The following ONECUT2 variants were observed in gnomAD, a reference collection of about 807,000 sequenced individuals.
The protein encoded by ONECUT2 is one cut homeobox 2.
In ONECUT2, 10 loss-of-function variants were observed where a neutral mutation model predicts 27.9. That is an observed-to-expected ratio of 0.36 (90% CI 0.22 to 0.61). ONECUT2 has a LOEUF of 0.61. ONECUT2 is among the 20% of genes least tolerant of loss of function. The probability of loss-of-function intolerance (pLI) is 0.73; values close to 1 mark genes in which losing one functional copy is unlikely to be tolerated. For missense variants in ONECUT2, 686 were observed against 721.0 expected (o/e 0.95, Z 0.56); for synonymous variants, 334 against 315.1 (o/e 1.06, Z -0.64).
intron 1 of ONECUT2, among the ~76,000 whole-genome samples, chr18:57,452,999 A>C (rs2050239435): frequency 6.6e-6 from 1 of 152,336 alleles, no homozygotes; most frequent in Admixed American, 6.5e-5. Context: ...GTTTTTTTAA[A>C]CTTAGGTTCT....
intron 1 of ONECUT2, among the ~76,000 whole-genome samples, chr18:57,445,808 T>G (rs2050198124): frequency 6.6e-6 from 1 of 152,236 alleles, no homozygotes; most frequent in Admixed American, 6.5e-5. Flanking sequence ...TTGGATCACT[T>G]GTTTAAAAAA....
At chr18:57,454,622 C>T (rs1405640847) in intron 1 of ONECUT2, among the ~76,000 whole-genome samples, 9 of 152,174 alleles carry the variant, frequency 5.9e-5, no homozygotes, top group Admixed American at 3.9e-4. Flanking sequence ...TTACAGCTAA[C>T]ATCCTATTAC....
At chr18:57,453,134 G>A (rs983458259) in intron 1 of ONECUT2, among the ~76,000 whole-genome samples, 2 of 152,162 alleles carry the variant, frequency 1.3e-5, no homozygotes, top group African/African-American at 2.4e-5. Flanking sequence ...CAGATCATGT[G>A]TTTATTGCAT....
chr18:57,472,098 G>A (rs1471513330), intron 1 of ONECUT2, among the ~76,000 whole-genome samples: 1 of 152,244 alleles, frequency 6.6e-6, no homozygotes, highest in Non-Finnish European at 1.5e-5. Context: ...ACCCTGACCA[G>A]CATGTGACTG....
At chr18:57,471,835 G>A (rs76058781) in intron 1 of ONECUT2, among the ~76,000 whole-genome samples, 13 of 152,228 alleles carry the variant, frequency 8.5e-5, no homozygotes, top group African/African-American at 2.4e-4. Flanking sequence ...GGAAGCGAGC[G>A]CTTGGCCTTC....
chr18:57,449,868 G>T (rs145321323), intron 1 of ONECUT2, among the ~76,000 whole-genome samples: 3 of 152,250 alleles, frequency 2.0e-5, no homozygotes, highest in Non-Finnish European at 2.9e-5. Context: ...TTCTGAACTC[G>T]ATTTGCAATC....
chr18:57,445,737 C>G (rs1306519783), intron 1 of ONECUT2, among the ~76,000 whole-genome samples: 1 of 152,250 alleles, frequency 6.6e-6, no homozygotes. Context: ...AAATATCACA[C>G]TCAGCAAACA....
rs1011507708 is a variant in ONECUT2 at position 57,435,842 on chromosome 18, G to A, written c.126G>A (p.Gly42=). Residue 42 remains glycine (G), a synonymous_variant, in exon 1 of 2, where the codon GGG becomes GGA. Coordinates refer to ENST00000491143, the MANE Select transcript of ONECUT2 (RefSeq NM_004852.3). ...GGCCGGCCGGCGGCGGCAGTGGCGG[G>A]GGCGGCGGCGGGGGCGGCGGGGGCG... ...LHGPAGGGSG[G]GGGGGGGGGG... 9.7e-7 allele frequency: 1 copy of A among 1,028,966 alleles called. No homozygotes were observed. Among genetic ancestry groups the A allele is most frequent in the East Asian group, 1.0e-4 (1 of 9,904 alleles). 63.7% of individuals were successfully genotyped at this position (1,028,966 alleles called of 1,614,324 possible).
rs2122162153 is a variant in ONECUT2, at chr18:57,482,170, A to G, written c.*5447A>G. The G allele has an allele frequency of 6.6e-6, 1 of 152,320 alleles. No individual in the cohort carries two copies. The highest frequency in any genetic ancestry group is 1.5e-5 in the Non-Finnish European group (1 of 68,034). 9.4% of individuals were successfully genotyped at this position (152,320 alleles called of 1,614,324 possible). ...TTGGTTGTATAAGTCTCATAAGATA[A>G]TGATGTTGATTTTAAATATGGATGT... On this transcript the variant is annotated 3_prime_UTR_variant, in exon 2 of 2. Coordinates refer to ENST00000491143, the MANE Select transcript of ONECUT2 (RefSeq NM_004852.3).
At chr18:57,468,335 C>T (rs1220854237) in intron 1 of ONECUT2, among the ~76,000 whole-genome samples, 1 of 152,236 alleles carries the variant, frequency 6.6e-6, no homozygotes, top group African/African-American at 2.4e-5. Flanking sequence ...AGATCAGGCA[C>T]GTTTGGAGAA....
chr18:57,451,966 CTTTG>C (rs1298487406), intron 1 of ONECUT2, among the ~76,000 whole-genome samples: 25 of 152,046 alleles, frequency 1.6e-4, no homozygotes, highest in African/African-American at 5.3e-4. Flanking sequence ...TGGTGTTTTT[CTTTG>C]TTTGTTTGTT....
chr18:57,477,539 A>C lies in ONECUT2; in HGVS notation c.*816A>C, dbSNP rs2050390698. 1 of 152,600 alleles carries C rather than the reference A, an allele frequency of 6.6e-6. No individual in the cohort carries two copies. Among genetic ancestry groups the C allele is most frequent in the African/African-American group, 2.4e-5 (1 of 41,442 alleles). The allele number at this position is 152,600 out of a possible 1,614,324, so 9.5% of individuals were successfully genotyped here. A position where few individuals can be genotyped will look rare whatever the true frequency, so the allele number is the denominator to read the frequency against. The stretch of plus-strand genomic sequence containing the variant: ...GTGAGGAAGGTTCTGGGTTCACTAC[A>C]TCTGGATTTTCAAGACACCTATTGT... On this transcript the variant is annotated 3_prime_UTR_variant, in exon 2 of 2. Transcript: ENST00000491143.
At chr18:57,473,685 C>T (rs2050366544) in intron 1 of ONECUT2, among the ~76,000 whole-genome samples, 1 of 152,176 alleles carries the variant, frequency 6.6e-6, no homozygotes, top group Non-Finnish European at 1.5e-5. Context: ...ATCCCAGGCC[C>T]TGTCCAGGCT....
chr18:57,461,805 G>T (rs2050293482), intron 1 of ONECUT2, among the ~76,000 whole-genome samples: 1 of 152,252 alleles, frequency 6.6e-6, no homozygotes, highest in Non-Finnish European at 1.5e-5. Context: ...GGCAGGGCAG[G>T]CTCTGGCAGC....
At chr18:57,454,803 C>T (rs2050249833) in intron 1 of ONECUT2, among the ~76,000 whole-genome samples, 1 of 152,172 alleles carries the variant, frequency 6.6e-6, no homozygotes, top group Non-Finnish European at 1.5e-5. Flanking sequence ...TTTTAAGACT[C>T]CCTTAACAGT....
chr18:57,488,741 T>A lies in ONECUT2; in HGVS notation c.*12018T>A, dbSNP rs567182000. On this transcript the variant is annotated 3_prime_UTR_variant, in exon 2 of 2. Coordinates refer to ENST00000491143, the MANE Select transcript of ONECUT2 (RefSeq NM_004852.3). Reference sequence around the variant, plus strand: ...GGAGACACATAACTACAAAATTACCTCAGCTTGGCCTGGTTTTCTCTCCTG... The same window carrying A: ...GGAGACACATAACTACAAAATTACCACAGCTTGGCCTGGTTTTCTCTCCTG... 6.5e-6 allele frequency: 1 copy of A among 152,800 alleles called. No individual in the cohort carries two copies. The highest frequency in any genetic ancestry group is 2.1e-4 in the South Asian group (1 of 4,826). 9.5% of individuals were successfully genotyped at this position (152,800 alleles called of 1,614,324 possible).
chr18:57,435,995 G>A lies in ONECUT2; in HGVS notation c.279G>A (p.Thr93=). Residue 93 remains threonine (T), a synonymous_variant, in exon 1 of 2, where the codon ACG becomes ACA. Coordinates refer to ENST00000491143, the MANE Select transcript of ONECUT2 (RefSeq NM_004852.3). ...PPPTAHQELG[T]AAAAAAAASR... is the part of the protein sequence containing the mutation. ...CAACCGCGCACCAGGAGCTGGGCAC[G>A]GCGGCAGCGGCGGCAGCGGCGGCGT... 1 of 1,482,210 alleles carries A rather than the reference G, an allele frequency of 6.7e-7. No homozygotes were observed. The highest frequency in any genetic ancestry group is 2.1e-5 in the Admixed American group (1 of 48,104). 91.8% of individuals were successfully genotyped at this position (1,482,210 alleles called of 1,614,324 possible).
intron 1 of ONECUT2, among the ~76,000 whole-genome samples, chr18:57,464,440 A>AT (rs1218481801): frequency 6.6e-6 from 1 of 150,766 alleles, no homozygotes; most frequent in Non-Finnish European, 1.5e-5. Context: ...TCTTTCTAGT[A>AT]TTTTTTTTGT....
At chr18:57,447,918 T>A (rs1316222657) in intron 1 of ONECUT2, among the ~76,000 whole-genome samples, 4 of 152,248 alleles carry the variant, frequency 2.6e-5, no homozygotes, top group Admixed American at 2.6e-4. Context: ...TTGCCACTGC[T>A]TCTGTCCCTG....
Sources: gnomAD v4.1 joint callset for allele counts (sites outside exome capture counted in the v4.1 genomes callset) on GRCh38, gnomAD v4.1.1 for gene constraint, MANE v1.5 for transcripts, NCBI Gene and HGNC (gene_info 2026-07-23, HGNC 2026-07-21) for gene names.